Variants in SRPX observed in about 807,000 individuals in gnomAD.
The protein encoded by SRPX is sushi repeat containing protein X-linked.
Under a neutral mutation model 38.1 loss-of-function variants are expected in SRPX, and 24 were observed. That is an observed-to-expected ratio of 0.63 (90% CI 0.46 to 0.89). The LOEUF (loss-of-function observed/expected upper bound fraction) is 0.89, where lower values mean the gene tolerates loss of function less well. Among genes scored for constraint, SRPX ranks in the 40% least tolerant of loss-of-function variants. The probability of loss-of-function intolerance (pLI) is 0.00; values close to 1 mark genes in which losing one functional copy is unlikely to be tolerated. For synonymous variants in SRPX, 184 were observed against 153.8 expected, an observed-to-expected ratio of 1.20 and a Z score of -1.45; for missense variants, 416 against 377.8, an observed-to-expected ratio of 1.10 and a Z score of -0.84.
chrX:38,196,078 A>G (rs780903339), intron 1 of SRPX, among the ~76,000 whole-genome samples: 2 of 112,528 alleles, frequency 1.8e-5, no homozygotes, highest in Admixed American at 9.4e-5. Context: ...AAAAGTTTCA[A>G]TTTTATCCTA....
In SRPX at chrX:38,220,778, T is replaced by C. The variant is rs750466863; in HGVS notation, c.15A>G (p.Ala5=). The change falls in exon 1 of 10, where the codon GCA becomes GCG. Residue 5 remains alanine, a synonymous_variant. Coordinates refer to ENST00000378533, the MANE Select transcript of SRPX (RefSeq NM_006307.5). Reference sequence around the variant, plus strand: ...GCAGCAGCAGCAGCGCGGGCCGATGTGCGGGGCTCCCCATGGCGAGCGGGC... The same window carrying C: ...GCAGCAGCAGCAGCGCGGGCCGATGCGCGGGGCTCCCCATGGCGAGCGGGC... MGSP[A]HRPALLLLLP... 5 of 1,121,806 alleles carry C rather than the reference T, an allele frequency of 4.5e-6. No homozygotes were observed. The highest frequency in any genetic ancestry group is 5.8e-6 in the Non-Finnish European group (5 of 858,168). The allele number at this position is 1,121,806 out of a possible 1,213,427, so 92.4% of individuals were successfully genotyped here. A position where few individuals can be genotyped will look rare whatever the true frequency, so the allele number is the denominator to read the frequency against.
intron 1 of SRPX, among the ~76,000 whole-genome samples, chrX:38,200,223 C>T (rs1484418950): frequency 1.8e-5 from 2 of 112,328 alleles, no homozygotes; most frequent in Admixed American, 9.4e-5. Flanking sequence ...TCACAATTCA[C>T]TCTTTTATAG....
intron 4 of SRPX, among the ~76,000 whole-genome samples, chrX:38,169,630 A>G (rs1261854783): frequency 8.9e-6 from 1 of 112,490 alleles, no homozygotes; most frequent in African/African-American, 3.2e-5. Flanking sequence ...AAGTTTGTAC[A>G]TTGTCTTTTG....
intron 1 of SRPX, among the ~76,000 whole-genome samples, chrX:38,215,988 C>T (rs767367686): frequency 8.9e-6 from 1 of 112,271 alleles, no homozygotes; most frequent in East Asian, 2.8e-4. Context: ...CATATTTTCT[C>T]ATAGAATTCA....
chrX:38,207,581 A>T (rs1939235404), intron 1 of SRPX, among the ~76,000 whole-genome samples: 1 of 112,504 alleles, frequency 8.9e-6, no homozygotes, highest in South Asian at 3.8e-4. Flanking sequence ...GGACACAGAG[A>T]AAATCTAAGA....
intron 1 of SRPX, among the ~76,000 whole-genome samples, chrX:38,199,250 C>A (rs1278334436): frequency 1.8e-5 from 2 of 110,511 alleles, no homozygotes; most frequent in African/African-American, 6.6e-5. Flanking sequence ...ACTAAAAATA[C>A]AAAAAATTAG....
chrX:38,200,496 C>A lies in SRPX; in HGVS notation c.97+20200G>T, dbSNP rs752918252. On this transcript the variant is annotated intron_variant, in intron 1 of 9. Transcript: ENST00000378533. ...TGTCTGTTGTTAAAATACCACAGACCAGGTAATTAATAAGGAGGAGAAGTC... is the reference window on the plus strand; with the variant it reads ...TGTCTGTTGTTAAAATACCACAGACAAGGTAATTAATAAGGAGGAGAAGTC... Among the ~76,000 whole-genome samples, 3 of 111,535 alleles carry A rather than the reference C, an allele frequency of 2.7e-5. No homozygotes were observed. In the Admixed American group the frequency reaches 2.8e-4, roughly 11 times the overall value.
intron 4 of SRPX, among the ~76,000 whole-genome samples, chrX:38,167,740 A>G (rs1160963286): frequency 9.0e-6 from 1 of 111,369 alleles, no homozygotes; most frequent in Non-Finnish European, 1.9e-5. Context: ...ATTGCATTGT[A>G]TCAACTACTA....
chrX:38,157,989 C>T (rs1388151781), intron 7 of SRPX, among the ~76,000 whole-genome samples: 1 of 112,446 alleles, frequency 8.9e-6, no homozygotes, highest in Non-Finnish European at 1.9e-5. Flanking sequence ...GAAAGAAATG[C>T]TCTCAGACAG....
At chrX:38,169,320 G>A (rs1938423208) in intron 4 of SRPX, among the ~76,000 whole-genome samples, 1 of 111,782 alleles carries the variant, frequency 8.9e-6, no homozygotes, top group African/African-American at 3.3e-5. Flanking sequence ...ATGCAATGCA[G>A]CCCAGCAATA....
At chrX:38,169,397 C>A (rs899217732) in intron 4 of SRPX, among the ~76,000 whole-genome samples, 1 of 111,955 alleles carries the variant, frequency 8.9e-6, no homozygotes, top group East Asian at 2.8e-4. Context: ...ACACAAGAAA[C>A]GTATGCCATC....
At chrX:38,181,591 G>A (rs148930822) in intron 1 of SRPX, among the ~76,000 whole-genome samples, 1 of 111,667 alleles carries the variant, frequency 9.0e-6, no homozygotes. Context: ...CCTAGCCTGA[G>A]TGATAGGAGG....
At chrX:38,170,685 C>A (rs1938450262) in intron 4 of SRPX, among the ~76,000 whole-genome samples, 1 of 111,954 alleles carries the variant, frequency 8.9e-6, no homozygotes. Flanking sequence ...GTTCCAGGCG[C>A]ATCTGGTCCA....
At chrX:38,201,672 A>G (rs1182645166) in intron 1 of SRPX, among the ~76,000 whole-genome samples, 2 of 111,283 alleles carry the variant, frequency 1.8e-5, no homozygotes, top group South Asian at 7.6e-4. Flanking sequence ...ACAAAAAATT[A>G]GCGAGGTGCG....
At chrX:38,153,739 G>C (rs1450457600) in intron 9 of SRPX, among the ~76,000 whole-genome samples, 4 of 111,531 alleles carry the variant, frequency 3.6e-5, no homozygotes, top group Non-Finnish European at 7.5e-5. Context: ...TGAAAGCCAC[G>C]TGTTCGAGAT....
At chrX:38,175,993 C>A (rs938161617) in intron 2 of SRPX, among the ~76,000 whole-genome samples, 2 of 111,384 alleles carry the variant, frequency 1.8e-5, no homozygotes, top group African/African-American at 6.5e-5. Flanking sequence ...TTGGATAGTA[C>A]CTAACGCTAT....
chrX:38,153,307 T>TC (rs1292140771), intron 9 of SRPX, among the ~76,000 whole-genome samples: 1 of 94,557 alleles, frequency 1.1e-5, no homozygotes, highest in Non-Finnish European at 2.1e-5. Flanking sequence ...TCTTTCTTTT[T>TC]TTTTTTTTTT....
rs747175179 is a variant in SRPX at position 38,157,759 on chromosome X, A to C, written c.956-730T>G. 1.7e-4 allele frequency among the ~76,000 whole-genome samples: 19 copies of C among 112,106 alleles called. No homozygotes were observed. The East Asian group carries it at 5.3e-3, about 31-fold the overall frequency. ...CAGTGAAGGAAAGAAAACAATACCAATTGGTTATCAAGCAAGTTTTTGCTG... is the reference window on the plus strand; with the variant it reads ...CAGTGAAGGAAAGAAAACAATACCACTTGGTTATCAAGCAAGTTTTTGCTG... On this transcript the variant is annotated intron_variant, in intron 7 of 9. Coordinates refer to ENST00000378533, the MANE Select transcript of SRPX (RefSeq NM_006307.5).
chrX:38,189,762 G>A (rs772401647), intron 1 of SRPX, among the ~76,000 whole-genome samples: 9 of 111,884 alleles, frequency 8.0e-5, no homozygotes, highest in African/African-American at 1.9e-4. Context: ...TTTATGTTGC[G>A]TTGGATTTTC....
Sources: allele counts gnomAD v4.1 joint callset (sites outside exome capture counted in the v4.1 genomes callset), GRCh38; gene constraint gnomAD v4.1.1; transcripts MANE v1.5; gene names NCBI Gene and HGNC (gene_info 2026-07-23, HGNC 2026-07-21).